AUTS2: variants seen among roughly 807,000 people sequenced by gnomAD.
AUTS2 encodes the protein autism susceptibility gene 2 protein.
AUTS2 carries 17 observed loss-of-function variants against 112.4 expected under a neutral mutation model. The observed-to-expected ratio is 0.15, with a 90% confidence interval of 0.10 to 0.23. AUTS2 has a LOEUF of 0.23. Ranked by LOEUF, AUTS2 falls within the 10% of genes least tolerant of loss-of-function variation. The probability of loss-of-function intolerance (pLI) is 1.00; values close to 1 mark genes in which losing one functional copy is unlikely to be tolerated. For missense variants in AUTS2, 1,510 were observed against 1,701.6 expected (o/e 0.89, Z 1.98); for synonymous variants, 751 against 702.7 (o/e 1.07, Z -1.09).
At chr7:70,457,977 A>G (rs1796811982) in intron 5 of AUTS2, among the ~76,000 whole-genome samples, 1 of 152,058 alleles carries the variant, frequency 6.6e-6, no homozygotes, top group South Asian at 2.1e-4. Flanking sequence ...CTCAGGCCAC[A>G]CGCCTCCCAT....
intron 4 of AUTS2, among the ~76,000 whole-genome samples, chr7:70,242,841 A>G (rs1430360254): frequency 6.6e-6 from 1 of 152,156 alleles, no homozygotes; most frequent in African/African-American, 2.4e-5. Context: ...GCAAAAAGAA[A>G]GAGAGCAAGA....
At chr7:69,962,846 G>A (rs529626500) in intron 2 of AUTS2, among the ~76,000 whole-genome samples, 3 of 152,076 alleles carry the variant, frequency 2.0e-5, no homozygotes, top group Non-Finnish European at 2.9e-5. Flanking sequence ...GGTGGAAGAC[G>A]TACGGTTTTT....
intron 2 of AUTS2, among the ~76,000 whole-genome samples, chr7:69,990,585 T>A (rs1268586025): frequency 6.6e-6 from 1 of 152,052 alleles, no homozygotes; most frequent in African/African-American, 2.4e-5. Flanking sequence ...AAAATATGAG[T>A]GTAACTTTGA....
intron 2 of AUTS2, among the ~76,000 whole-genome samples, chr7:70,001,089 C>T (rs1279473950): frequency 2.0e-5 from 3 of 152,028 alleles, no homozygotes; most frequent in Non-Finnish European, 2.9e-5. Flanking sequence ...CTAAAAATAT[C>T]AGAGAAAAAA....
At chr7:70,012,257 G>T (rs1773965123) in intron 2 of AUTS2, among the ~76,000 whole-genome samples, 3 of 152,104 alleles carry the variant, frequency 2.0e-5, no homozygotes, top group Admixed American at 2.0e-4. Context: ...GAGGAGGCAG[G>T]TCTCCACATT....
At chr7:70,058,934 C>T (rs2129560417) in intron 2 of AUTS2, among the ~76,000 whole-genome samples, 1 of 152,266 alleles carries the variant, frequency 6.6e-6, no homozygotes, top group Admixed American at 6.5e-5. Context: ...CACCATACCC[C>T]TCACCCTAGC....
chr7:70,298,029 G>GT lies in AUTS2; in HGVS notation c.661-137715dup, dbSNP rs1346137592. Reference sequence around the variant, plus strand: ...AGCCTCTTTTTTTGGTTTTTTTTGGGTTTTTTTTGTTTTGTTTTTTGAGAC... The same window carrying GT: ...AGCCTCTTTTTTTGGTTTTTTTTGGGTTTTTTTTTGTTTTGTTTTTTGAGAC... On this transcript the variant is annotated intron_variant, in intron 4 of 18. Coordinates refer to ENST00000342771, the MANE Select transcript of AUTS2 (RefSeq NM_015570.4). 4.4e-4 allele frequency among the ~76,000 whole-genome samples: 67 copies of GT among 151,426 alleles called. 2 individuals are homozygous for GT. The South Asian group carries it at 0.013, about 30-fold the overall frequency.
chr7:70,144,448 A>G (rs190459142), intron 4 of AUTS2, among the ~76,000 whole-genome samples: 14 of 152,222 alleles, frequency 9.2e-5, no homozygotes, highest in African/African-American at 3.4e-4. Flanking sequence ...AGTGAACCCA[A>G]AATGTTCTTT....
At chr7:69,953,653 T>C (rs1345136949) in intron 2 of AUTS2, among the ~76,000 whole-genome samples, 1 of 152,204 alleles carries the variant, frequency 6.6e-6, no homozygotes, top group African/African-American at 2.4e-5. Flanking sequence ...TAGCAGAAAC[T>C]GCAGGCAGAG....
intron 1 of AUTS2, among the ~76,000 whole-genome samples, chr7:69,810,027 G>T (rs138342536): frequency 1.8e-3 from 278 of 152,260 alleles, no homozygotes; most frequent in African/African-American, 6.6e-3. Flanking sequence ...TCAGCATCCA[G>T]ATAAAGCCCA....
intron 2 of AUTS2, among the ~76,000 whole-genome samples, chr7:70,007,273 TG>T (rs1438185800): frequency 6.6e-6 from 1 of 152,198 alleles, no homozygotes; most frequent in African/African-American, 2.4e-5. Flanking sequence ...CCCTAAATCA[TG>T]GTTGCTTTCC....
At chr7:69,681,915 T>C (rs1303823638) in intron 1 of AUTS2, among the ~76,000 whole-genome samples, 1 of 152,224 alleles carries the variant, frequency 6.6e-6, no homozygotes, top group Non-Finnish European at 1.5e-5. Flanking sequence ...TCAGTGAGTC[T>C]GAATGCCTGG....
At chr7:70,722,670 A>C (rs1786763982) in intron 6 of AUTS2, among the ~76,000 whole-genome samples, 1 of 152,214 alleles carries the variant, frequency 6.6e-6, no homozygotes, top group African/African-American at 2.4e-5. Context: ...TTAAGTTGGG[A>C]GTCTCCATTA....
intron 4 of AUTS2, among the ~76,000 whole-genome samples, chr7:70,182,925 C>G (rs897702359): frequency 1.3e-5 from 2 of 152,136 alleles, no homozygotes; most frequent in Admixed American, 6.5e-5. Context: ...ACCTATCATG[C>G]CCTTCTACTT....
chr7:70,550,054 G>A (rs1327273083), intron 5 of AUTS2, among the ~76,000 whole-genome samples: 1 of 152,192 alleles, frequency 6.6e-6, no homozygotes, highest in Non-Finnish European at 1.5e-5. Flanking sequence ...AAAAGTGAAA[G>A]GACAGTAGCT....
intron 4 of AUTS2, among the ~76,000 whole-genome samples, chr7:70,431,113 A>C (rs1033315062): frequency 1.3e-5 from 2 of 152,070 alleles, no homozygotes; most frequent in Non-Finnish European, 2.9e-5. Flanking sequence ...CTGGTATTAC[A>C]GGCGTGAGCC....
At chr7:69,983,117 A>G (rs1383632924) in intron 2 of AUTS2, among the ~76,000 whole-genome samples, 1 of 152,234 alleles carries the variant, frequency 6.6e-6, no homozygotes, top group Non-Finnish European at 1.5e-5. Flanking sequence ...TTTCTTTGTT[A>G]GGAAAAGCCT....
intron 6 of AUTS2, among the ~76,000 whole-genome samples, chr7:70,752,310 A>G (rs946009305): frequency 6.6e-6 from 1 of 152,128 alleles, no homozygotes; most frequent in Non-Finnish European, 1.5e-5. Flanking sequence ...TCCGAAACCA[A>G]TATTTGGAGT....
At chr7:70,683,768 C>T (rs1282766461) in intron 5 of AUTS2, among the ~76,000 whole-genome samples, 2 of 152,188 alleles carry the variant, frequency 1.3e-5, no homozygotes, top group African/African-American at 2.4e-5. Context: ...GGCATATGAT[C>T]ATAATAACTG....
Sources: allele counts gnomAD v4.1 joint callset (sites outside exome capture counted in the v4.1 genomes callset), GRCh38; gene constraint gnomAD v4.1.1; transcripts MANE v1.5; gene names NCBI Gene and HGNC (gene_info 2026-07-23, HGNC 2026-07-21).